RNF121: variants seen among roughly 807,000 people sequenced by gnomAD.
The protein encoded by RNF121 is E3 ubiquitin ligase RNF121.
RNF121 carries 21 observed loss-of-function variants against 46.5 expected under a neutral mutation model. That is an observed-to-expected ratio of 0.45 (90% CI 0.32 to 0.65). The LOEUF (loss-of-function observed/expected upper bound fraction) is 0.65. RNF121 is among the 30% of genes least tolerant of loss of function. RNF121 has a pLI of 0.04. For missense variants in RNF121, 346 were observed against 416.0 expected (o/e 0.83, Z 1.46); for synonymous variants, 139 against 144.7 (o/e 0.96, Z 0.28).
At position 71,997,388 on chromosome 11, in the gene RNF121, G is replaced by A. The variant is rs1042301125; in HGVS notation, c.*1073G>A. On this transcript the variant is annotated 3_prime_UTR_variant, in exon 9 of 9. Coordinates refer to ENST00000361756, the MANE Select transcript of RNF121 (RefSeq NM_018320.5). The stretch of plus-strand genomic sequence containing the variant: ...GACAACGGGAGTGGTGGGTGGGTGA[G>A]AACAGGTTCTGAGAGGGGGCTTCTA... 2.0e-5 allele frequency: 3 copies of A among 152,140 alleles called. No homozygotes were observed. The highest frequency in any genetic ancestry group is 3.9e-4 in the East Asian group (2 of 5,180). The allele number at this position is 152,140 out of a possible 1,614,324, so 9.4% of individuals were successfully genotyped here. A position where few individuals can be genotyped will look rare whatever the true frequency, so the allele number is the denominator to read the frequency against.
chr11:71,942,223 G>A (rs1372212185), intron 1 of RNF121, among the ~76,000 whole-genome samples: 8 of 151,612 alleles, frequency 5.3e-5, no homozygotes, highest in Admixed American at 2.6e-4. Flanking sequence ...ATGAACCACC[G>A]TGCCCGGCAA....
chr11:71,947,393 G>A (rs2134160893), intron 1 of RNF121, among the ~76,000 whole-genome samples: 1 of 152,072 alleles, frequency 6.6e-6, no homozygotes, highest in Middle Eastern at 3.4e-3. Context: ...GGAGGCTGAG[G>A]CAGGAGGATC....
chr11:71,946,145 C>T (rs115131624), intron 1 of RNF121, among the ~76,000 whole-genome samples: 3,990 of 151,792 alleles, frequency 0.026, 166 homozygotes, highest in African/African-American at 0.091. Flanking sequence ...AAGAAAAATC[C>T]GCACAGAAAC....
intron 3 of RNF121, 114 bp downstream of exon 3, chr11:71,961,005 A>G (rs1333607937): frequency 1.3e-5 from 15 of 1,155,916 alleles, no homozygotes; most frequent in Admixed American, 2.2e-5. Context: ...GACAATAACA[A>G]TGAACTTTAT....
At chr11:71,940,381 G>T (rs976276453) in intron 1 of RNF121, among the ~76,000 whole-genome samples, 1 of 152,214 alleles carries the variant, frequency 6.6e-6, no homozygotes. Context: ...ACCCTCTCAT[G>T]GATATGGCTA....
At chr11:71,943,494 C>T (rs951342440) in intron 1 of RNF121, among the ~76,000 whole-genome samples, 1 of 152,174 alleles carries the variant, frequency 6.6e-6, no homozygotes. Flanking sequence ...GCATTTGTTA[C>T]GCCAGCCTCG....
At chr11:71,929,201 G>T in intron 1 of RNF121, 77 bp downstream of exon 1, 2 of 1,498,318 alleles carry the variant, frequency 1.3e-6, no homozygotes, top group Non-Finnish European at 1.8e-6. Flanking sequence ...GGAGGTGGGG[G>T]TCTTAGGAGA....
intron 3 of RNF121, chr11:71,978,224 TAAAG>T (rs1460927851): frequency 2.4e-5 from 11 of 451,432 alleles, no homozygotes; most frequent in Admixed American, 2.2e-4. Flanking sequence ...TTAAACCAAA[TAAAG>T]AAACCAGGTA....
chr11:71,973,960 G>T (rs919106675), intron 3 of RNF121, among the ~76,000 whole-genome samples: 6 of 152,098 alleles, frequency 3.9e-5, no homozygotes, highest in Non-Finnish European at 7.4e-5. Flanking sequence ...GTTTGTTTTT[G>T]AGACGGAGTC....
chr11:71,954,954 G>A (rs1053204483), intron 1 of RNF121, among the ~76,000 whole-genome samples: 2 of 152,152 alleles, frequency 1.3e-5, no homozygotes, highest in African/African-American at 4.8e-5. Context: ...TACTCATTGA[G>A]TGCTTAATAT....
At chr11:71,940,942 A>C (rs1953553614) in intron 1 of RNF121, among the ~76,000 whole-genome samples, 1 of 152,282 alleles carries the variant, frequency 6.6e-6, no homozygotes, top group East Asian at 1.9e-4. Flanking sequence ...AAATGAAAAG[A>C]TATGCAAGGC....
At chr11:71,935,922 A>G (rs1953394553) in intron 1 of RNF121, among the ~76,000 whole-genome samples, 3 of 135,730 alleles carry the variant, frequency 2.2e-5, no homozygotes, top group Non-Finnish European at 4.5e-5. Flanking sequence ...ACCTTGGCTC[A>G]CTGCAGCCTC....
rs1200383425 is a variant in RNF121, at chr11:71,965,504, C to A, written c.243+4613C>A. On this transcript the variant is annotated intron_variant, in intron 3 of 8. Coordinates refer to ENST00000361756, the MANE Select transcript of RNF121 (RefSeq NM_018320.5). The stretch of plus-strand genomic sequence containing the variant: ...GAAGTGATCCATCCACCTCGGCCTC[C>A]CAAAGTGCTGGGATTATAGGAGTGA... Among the ~76,000 whole-genome samples the A allele has an allele frequency of 2.9e-4, 44 of 152,052 alleles. 1 individual carries two copies. The highest frequency in any genetic ancestry group is 2.9e-3 in the Admixed American group (44 of 15,268).
In RNF121 at chr11:71,957,303, C is replaced by T. The variant is rs772199873; in HGVS notation, c.101+39C>T. 8.7e-6 allele frequency: 11 copies of T among 1,267,176 alleles called. No individual in the cohort carries two copies. In the South Asian group the frequency reaches 1.1e-4, roughly 12 times the overall value. 78.5% of individuals were successfully genotyped at this position (1,267,176 alleles called of 1,614,324 possible). On this transcript the variant is annotated intron_variant, in intron 2 of 8. Coordinates refer to ENST00000361756, the MANE Select transcript of RNF121 (RefSeq NM_018320.5). ...TTCGGGCCCTGCAGTCTAGGAACTG[C>T]AGGTTAACCCAGCTTAATTGAGTGA...
chr11:71,936,861 C>T (rs1195620058), intron 1 of RNF121, among the ~76,000 whole-genome samples: 1 of 152,098 alleles, frequency 6.6e-6, no homozygotes, highest in African/African-American at 2.4e-5. Flanking sequence ...CATCTTTGTA[C>T]ATTCCTCAGT....
chr11:71,973,996 C>T (rs1430877323), intron 3 of RNF121, among the ~76,000 whole-genome samples: 2 of 152,176 alleles, frequency 1.3e-5, no homozygotes, highest in Non-Finnish European at 2.9e-5. Flanking sequence ...GGCCAGACTG[C>T]AGTGGCGCTA....
chr11:71,950,988 G>A lies in RNF121; in HGVS notation c.64-6239G>A, dbSNP rs184114374. Reference sequence around the variant, plus strand: ...ACCTGTAATCCCAGCACTTTGGGAGGCTGAGGTGGACGGATCACCTGAGGT... The same window carrying A: ...ACCTGTAATCCCAGCACTTTGGGAGACTGAGGTGGACGGATCACCTGAGGT... On this transcript the variant is annotated intron_variant, in intron 1 of 8. Coordinates refer to ENST00000361756, the MANE Select transcript of RNF121 (RefSeq NM_018320.5). 8.4e-3 allele frequency among the ~76,000 whole-genome samples: 1,282 copies of A among 152,280 alleles called. 22 individuals are homozygous for A. The highest frequency in any genetic ancestry group is 0.03 in the African/African-American group (1,227 of 41,562).
At chr11:71,981,330 G>T (rs747473068) in intron 3 of RNF121, among the ~76,000 whole-genome samples, 3 of 152,192 alleles carry the variant, frequency 2.0e-5, no homozygotes, top group Non-Finnish European at 4.4e-5. Flanking sequence ...GATTACAAGT[G>T]TGAGCCACCA....
At chr11:71,939,649 T>G (rs1291313320) in intron 1 of RNF121, 2 of 152,286 alleles carry the variant, frequency 1.3e-5, no homozygotes, top group Non-Finnish European at 2.9e-5. Context: ...GAAAAGTAAT[T>G]TATTCAGGGT....
Sources: allele counts gnomAD v4.1 joint callset (sites outside exome capture counted in the v4.1 genomes callset), GRCh38; gene constraint gnomAD v4.1.1; transcripts MANE v1.5; gene names NCBI Gene and HGNC (gene_info 2026-07-23, HGNC 2026-07-21).